PTPRT: variants seen among roughly 807,000 people sequenced by gnomAD.
PTPRT encodes the protein protein tyrosine phosphatase receptor type T.
In PTPRT, 56 loss-of-function variants were observed where a neutral mutation model predicts 176.8. The observed-to-expected ratio is 0.32, with a 90% CI of 0.26 to 0.40. The LOEUF is 0.40. Among genes scored for constraint, PTPRT ranks in the 10% least tolerant of loss-of-function variants. The pLI is 1.00. For synonymous variants in PTPRT, 783 were observed against 739.0 expected (o/e 1.06, Z -0.96); for missense variants, 1,540 against 1,908.2 (o/e 0.81, Z 3.60).
chr20:42,502,101 T>C (rs1020397742), intron 7 of PTPRT, among the ~76,000 whole-genome samples: 6 of 152,088 alleles, frequency 3.9e-5, no homozygotes, highest in African/African-American at 1.4e-4. Context: ...GTTTACTTCT[T>C]GAGTCAGTTT....
intron 6 of PTPRT, among the ~76,000 whole-genome samples, chr20:42,698,225 C>A (rs2075914537): frequency 6.6e-6 from 1 of 152,140 alleles, no homozygotes; most frequent in African/African-American, 2.4e-5. Context: ...ATGTTCTGCC[C>A]AGAAGGCTGA....
At chr20:42,140,445 G>A (rs951499110) in intron 18 of PTPRT, among the ~76,000 whole-genome samples, 1 of 152,144 alleles carries the variant, frequency 6.6e-6, no homozygotes, top group Non-Finnish European at 1.5e-5. Context: ...CTGTACCTAC[G>A]AATATTTGGC....
At chr20:42,218,752 C>T (rs917630722) in intron 15 of PTPRT, among the ~76,000 whole-genome samples, 5 of 152,200 alleles carry the variant, frequency 3.3e-5, no homozygotes, top group Non-Finnish European at 7.3e-5. Flanking sequence ...GGGTACTGAG[C>T]GGTGCACTGT....
chr20:43,006,350 A>G (rs929696197), intron 1 of PTPRT, among the ~76,000 whole-genome samples: 1 of 152,216 alleles, frequency 6.6e-6, no homozygotes, highest in Admixed American at 6.5e-5. Flanking sequence ...GATTCTATCA[A>G]CATGTGAAGC....
chr20:43,115,486 G>A (rs148327880), intron 1 of PTPRT, among the ~76,000 whole-genome samples: 123 of 152,210 alleles, frequency 8.1e-4, no homozygotes, highest in African/African-American at 3.0e-3. Flanking sequence ...TGATACCACA[G>A]AGCCATGGTT....
chr20:43,135,817 C>T (rs1222681216), intron 1 of PTPRT, among the ~76,000 whole-genome samples: 7 of 152,114 alleles, frequency 4.6e-5, no homozygotes, highest in African/African-American at 1.4e-4. Context: ...GGGGGGCTTT[C>T]GTCTTTCCTG....
At chr20:42,908,549 A>G (rs1422582909) in intron 1 of PTPRT, among the ~76,000 whole-genome samples, 1 of 152,146 alleles carries the variant, frequency 6.6e-6, no homozygotes, top group African/African-American at 2.4e-5. Flanking sequence ...ATAATTTTGC[A>G]ATATCATTTT....
chr20:42,754,578 G>A (rs1046874691), intron 6 of PTPRT, among the ~76,000 whole-genome samples: 9 of 152,198 alleles, frequency 5.9e-5, no homozygotes, highest in South Asian at 2.1e-4. Context: ...CCACCATACC[G>A]GGCCACACAA....
At chr20:43,161,177 T>C (rs1195300001) in intron 1 of PTPRT, among the ~76,000 whole-genome samples, 1 of 152,256 alleles carries the variant, frequency 6.6e-6, no homozygotes, top group Non-Finnish European at 1.5e-5. Context: ...TCTGTGTCGA[T>C]GTATTGCCTG....
intron 27 of PTPRT, among the ~76,000 whole-genome samples, chr20:42,088,509 T>C (rs1488792656): frequency 2.1e-5 from 3 of 146,164 alleles, no homozygotes; most frequent in African/African-American, 8.4e-5. Flanking sequence ...ATGTAGGAGA[T>C]GGAAACTCAT....
At chr20:42,517,808 GATTTT>G (rs1356713148) in intron 7 of PTPRT, among the ~76,000 whole-genome samples, 2 of 151,900 alleles carry the variant, frequency 1.3e-5, no homozygotes, top group Non-Finnish European at 2.9e-5. Context: ...ACTTTTTATT[GATTTT>G]ATGTTAATTA....
chr20:42,504,673 T>C (rs943591892), intron 7 of PTPRT, among the ~76,000 whole-genome samples: 1 of 152,160 alleles, frequency 6.6e-6, no homozygotes, highest in African/African-American at 2.4e-5. Flanking sequence ...ATAATTTGGA[T>C]TTTGTTTTCT....
At chr20:43,022,596 C>G (rs745381314) in intron 1 of PTPRT, among the ~76,000 whole-genome samples, 1 of 152,158 alleles carries the variant, frequency 6.6e-6, no homozygotes, top group Non-Finnish European at 1.5e-5. Context: ...GGGGCTGATT[C>G]CAAGAGCTGA....
intron 1 of PTPRT, among the ~76,000 whole-genome samples, chr20:43,100,212 A>G (rs2146323436): frequency 6.6e-6 from 1 of 152,192 alleles, no homozygotes; most frequent in South Asian, 2.1e-4. Flanking sequence ...CCCCATCTCT[A>G]CTAAAAATAC....
chr20:42,424,801 G>A (rs958137727), intron 9 of PTPRT, among the ~76,000 whole-genome samples: 6 of 149,498 alleles, frequency 4.0e-5, no homozygotes, highest in Non-Finnish European at 5.9e-5. Context: ...TTCTTCCCAA[G>A]ACAAGAACGC....
intron 1 of PTPRT, among the ~76,000 whole-genome samples, chr20:43,020,169 T>C (rs1985601239): frequency 6.7e-6 from 1 of 148,166 alleles, no homozygotes; most frequent in Non-Finnish European, 1.5e-5. Context: ...TGTGTTTGTC[T>C]CTATATAATT....
At chr20:42,837,178 C>T (rs1389635516) in intron 2 of PTPRT, among the ~76,000 whole-genome samples, 1 of 152,196 alleles carries the variant, frequency 6.6e-6, no homozygotes, top group Non-Finnish European at 1.5e-5. Flanking sequence ...CTGGATTCAG[C>T]TCCAGTTCTT....
chr20:42,120,032 T>C (rs1010773824), intron 19 of PTPRT, 61 bp from the exon 20 acceptor site: 3 of 1,444,610 alleles, frequency 2.1e-6, no homozygotes, highest in African/African-American at 1.4e-5. Context: ...AACAGCACAA[T>C]ATTAATAAAC....
intron 9 of PTPRT, among the ~76,000 whole-genome samples, chr20:42,402,459 T>C (rs1347327877): frequency 6.8e-6 from 1 of 146,860 alleles, no homozygotes; most frequent in East Asian, 2.0e-4. Context: ...AGATGCCCTG[T>C]TTGCTCAGGG....
Sources: allele counts gnomAD v4.1 joint callset (sites outside exome capture counted in the v4.1 genomes callset), GRCh38; gene constraint gnomAD v4.1.1; transcripts MANE v1.5; gene names NCBI Gene and HGNC (gene_info 2026-07-23, HGNC 2026-07-21).